The following DCTN3 variants were observed in gnomAD, a reference collection of about 807,000 sequenced individuals.
The protein encoded by DCTN3 is dynactin subunit 3.
DCTN3 carries 25 observed loss-of-function variants against 28.4 expected under a neutral mutation model. The observed-to-expected ratio is 0.88, with a 90% confidence interval of 0.64 to 1.23. DCTN3 has a LOEUF of 1.23. Ranked by LOEUF, DCTN3 falls within the 50% of genes most tolerant of loss-of-function variation. The probability of loss-of-function intolerance (pLI) is 0.00; values close to 1 mark genes in which losing one functional copy is unlikely to be tolerated. For synonymous variants in DCTN3, 81 were observed against 91.4 expected, an observed-to-expected ratio of 0.89 and a Z score of 0.65; for missense variants, 229 against 232.0, an observed-to-expected ratio of 0.99 and a Z score of 0.08.
At position 34,616,378 on chromosome 9, in the gene DCTN3, CTCT is replaced by C. The variant is rs749037074; in HGVS notation, c.269-268_269-266del. The C allele has an allele frequency of 5.9e-4, 195 of 329,526 alleles. 1 individual carries two copies. Among genetic ancestry groups the C allele is most frequent in the Non-Finnish European group, 6.8e-5 (12 of 175,714 alleles). The allele number at this position is 329,526 out of a possible 1,614,324, so 20.4% of individuals were successfully genotyped here. ...TTTCTCCAAGGTTTAACTTCAAGAC[CTCT>C]TCTTCTAGCCTCCTATCAACAAACT... On this transcript the variant is annotated intron_variant, in intron 3 of 6. Coordinates refer to ENST00000259632, the MANE Select transcript of DCTN3 (RefSeq NM_007234.5). The surrounding 1 kb of genome is among the most constrained non-coding windows in gnomAD (Gnocchi z 4.7).
At chr9:34,613,984 A>T (rs1416287621) in intron 6 of DCTN3, 58 bp downstream of exon 6, 10 of 1,606,384 alleles carry the variant, frequency 6.2e-6, no homozygotes, top group Non-Finnish European at 8.5e-6. Flanking sequence ...GAGGTGGAAC[A>T]AAAGGACAGG....
At chr9:34,614,263 T>G in intron 5 of DCTN3, 162 bp from the exon 6 acceptor site, 1 of 1,526,570 alleles carries the variant, frequency 6.6e-7, no homozygotes, top group Non-Finnish European at 8.8e-7. Context: ...ACTTTCAGGC[T>G]CCAGGATGGG....
chr9:34,620,442 T>G lies in DCTN3; in HGVS notation c.23A>C (p.Gln8Pro), dbSNP rs961742356. 6.4e-7 allele frequency: 1 copy of G among 1,554,906 alleles called. No individual in the cohort carries two copies. Among genetic ancestry groups the G allele is most frequent in the Non-Finnish European group, 8.7e-7 (1 of 1,149,980 alleles). Residue 8 changes from glutamine (Q) to proline (P), a missense_variant, in exon 1 of 7, where the codon CAG becomes CCG. By Grantham distance (76) the Gln-to-Pro change is moderately conservative. Transcript: ENST00000259632. MAGLTDL[Q>P]RLQARVEELE... Reference sequence around the variant, plus strand: ...CTCTTCCACTCGGGCCTGTAGCCGCTGCAAGTCAGTCAGACCCGCCATCGC... The same window carrying G: ...CTCTTCCACTCGGGCCTGTAGCCGCGGCAAGTCAGTCAGACCCGCCATCGC...
chr9:34,614,362 C>T (rs931408299), intron 5 of DCTN3: 2 of 733,696 alleles, frequency 2.7e-6, no homozygotes, highest in Admixed American at 3.0e-5. Flanking sequence ...CTTCTTCTGT[C>T]CTTATTTCTG....
chr9:34,617,579 CTCT>C, intron 3 of DCTN3: 1 of 1,220,368 alleles, frequency 8.2e-7, no homozygotes, highest in Non-Finnish European at 1.1e-6. Context: ...CTAGAAGCTC[CTCT>C]GTCTAGTGAG....
Position 34,620,286 on chromosome 9 carries a change from T to C in DCTN3, c.96+83A>G. On this transcript the variant is annotated intron_variant, in intron 1 of 6. Transcript: ENST00000259632. ...AAGGCCGGGCTGCGGAGAACAGGAC[T>C]GGAGCGGTTGCATCCCGAGGGCCAG... The C allele has an allele frequency of 3.3e-6, 4 of 1,204,662 alleles. No homozygotes were observed. In the Admixed American group the frequency reaches 7.4e-5, roughly 22 times the overall value. The allele number at this position is 1,204,662 out of a possible 1,614,324, so 74.6% of individuals were successfully genotyped here.
Position 34,616,169 on chromosome 9 carries a change from C to T in DCTN3, c.269-56G>A. ...TGAAGCAAACCTGGGCATTGCTAAT[C>T]AGCCCATGTAAGGGCCTGAGGACCT... On this transcript the variant is annotated intron_variant, in intron 3 of 6. Transcript: ENST00000259632. The surrounding 1 kb of genome is among the most constrained non-coding windows in gnomAD (Gnocchi z 4.7). The T allele has an allele frequency of 1.4e-6, 2 of 1,438,910 alleles. No individual in the cohort carries two copies. The highest frequency in any genetic ancestry group is 1.9e-6 in the Non-Finnish European group (2 of 1,025,666). The allele number at this position is 1,438,910 out of a possible 1,614,324, so 89.1% of individuals were successfully genotyped here. A position where few individuals can be genotyped will look rare whatever the true frequency, so the allele number is the denominator to read the frequency against.
intron 1 of DCTN3, among the ~76,000 whole-genome samples, chr9:34,620,095 G>A (rs1053996622): frequency 4.6e-5 from 7 of 152,144 alleles, no homozygotes; most frequent in African/African-American, 1.7e-4. Context: ...TCAGCTTCTC[G>A]TGTCAGGTCT....
chr9:34,619,990 C>T (rs1352290660), intron 1 of DCTN3, among the ~76,000 whole-genome samples: 1 of 152,180 alleles, frequency 6.6e-6, no homozygotes, highest in Non-Finnish European at 1.5e-5. Context: ...TCCCATGGAC[C>T]TCTTCCTGCA....
chr9:34,618,698 C>T lies in DCTN3; in HGVS notation c.159G>A (p.Arg53=). Residue 53 remains arginine, a synonymous_variant, in exon 2 of 7, where the codon AGG becomes AGA. Transcript: ENST00000259632. The part of the protein sequence containing the change: ...ALGNISSKRE[R]VKILYKKIED... ...TACTCTTTTTGTAGAGAATCTTCAC[C>T]CTCTCCCTCTTGCTGGAAATGTTCC... The T allele has an allele frequency of 6.2e-7, 1 of 1,614,116 alleles. No individual in the cohort carries two copies. Among genetic ancestry groups the T allele is most frequent in the South Asian group, 1.1e-5 (1 of 91,078 alleles).
chr9:34,617,533 T>C (rs1820449648), intron 3 of DCTN3: 1 of 718,156 alleles, frequency 1.4e-6, no homozygotes, highest in Non-Finnish European at 2.0e-6. Context: ...ACTCTCTCTG[T>C]TCTTTAATGG....
rs1820389994 is a variant in DCTN3 at position 34,614,944 on chromosome 9, T to G, written c.353-176A>C. ...GTGGGGCTCCCTGCCCACTCCAGTC[T>G]TACTCCAGGACCCATAGGGGAGGGG... On this transcript the variant is annotated intron_variant, in intron 4 of 6. Coordinates refer to ENST00000259632, the MANE Select transcript of DCTN3 (RefSeq NM_007234.5). The G allele has an allele frequency of 1.4e-5, 10 of 696,242 alleles. No homozygotes were observed. The Admixed American group carries it at 2.4e-4, about 17-fold the overall frequency. 43.1% of individuals were successfully genotyped at this position (696,242 alleles called of 1,614,324 possible).
chr9:34,617,574 A>C lies in DCTN3; in HGVS notation c.268+311T>G, dbSNP rs1457573902. 2.6e-6 allele frequency: 3 copies of C among 1,174,210 alleles called. No homozygotes were observed. In the Admixed American group the frequency reaches 9.5e-5, roughly 37 times the overall value. 72.7% of individuals were successfully genotyped at this position (1,174,210 alleles called of 1,614,324 possible). On this transcript the variant is annotated intron_variant, in intron 3 of 6. Coordinates refer to ENST00000259632, the MANE Select transcript of DCTN3 (RefSeq NM_007234.5). ...CTCTCTGCCCCTACCCTTTCCTAGA[A>C]GCTCCTCTGTCTAGTGAGCAGAAGT... is the stretch of plus-strand genomic sequence containing the variant.
intron 5 of DCTN3, 110 bp downstream of exon 5, chr9:34,614,600 C>T (rs1438519437): frequency 2.3e-5 from 30 of 1,281,064 alleles, no homozygotes; most frequent in Non-Finnish European, 3.0e-5. Context: ...CCCAAAGTTT[C>T]TGCTGAGGTT....
chr9:34,614,219 C>A, intron 5 of DCTN3, 118 bp from the exon 6 acceptor site: 1 of 1,589,452 alleles, frequency 6.3e-7, no homozygotes, highest in Non-Finnish European at 8.6e-7. Flanking sequence ...TGACGCTTAA[C>A]CCCAAAGCCA....
Position 34,618,723 on chromosome 9 carries a change from C to A in DCTN3, c.134G>T (p.Gly45Val). 6.2e-7 allele frequency: 1 copy of A among 1,614,112 alleles called. No homozygotes were observed. The highest frequency in any genetic ancestry group is 8.5e-7 in the Non-Finnish European group (1 of 1,180,004). The change falls in exon 2 of 7, where the codon GGG becomes GTG. Residue 45 changes from glycine (G) to valine (V), a missense_variant. Gly to Val is a moderately radical substitution (Grantham distance 109, BLOSUM62 -3). Transcript: ENST00000259632. The part of the protein sequence containing the change: ...DGLVKVQVAL[G>V]NISSKRERVK... ...CCTCTCCCTCTTGCTGGAAATGTTC[C>A]CCAAAGCCACCTGCACCTTGACCAG...
chr9:34,618,067 C>T, intron 2 of DCTN3, 96 bp from the exon 3 acceptor site: 1 of 1,260,942 alleles, frequency 7.9e-7, no homozygotes, highest in Middle Eastern at 2.2e-4. Context: ...TGAGGAGAGC[C>T]TTCAATGAGG....
chr9:34,613,776 C>G lies in DCTN3; in HGVS notation c.*6G>C, dbSNP rs1247119228. 6.2e-7 allele frequency: 1 copy of G among 1,613,572 alleles called. No homozygotes were observed. The highest frequency in any genetic ancestry group is 1.1e-5 in the South Asian group (1 of 90,902). On this transcript the variant is annotated 3_prime_UTR_variant, in exon 7 of 7. Transcript: ENST00000259632. ...CCCAGGCCCACTTTGGGATGGGGAGCAGCTATCACTCCTCTGCTGGCTTCA... is the reference window on the plus strand; with the variant it reads ...CCCAGGCCCACTTTGGGATGGGGAGGAGCTATCACTCCTCTGCTGGCTTCA...
chr9:34,620,369 C>T lies in DCTN3; in HGVS notation c.96G>A (p.Lys32=). Residue 32 remains lysine (K), a splice_region_variant and synonymous_variant, in exon 1 of 7, where the codon AAG becomes AAA. Coordinates refer to ENST00000259632, the MANE Select transcript of DCTN3 (RefSeq NM_007234.5). ...GGGACTACCGGACCAGACTACTCAC[C>T]TTCCGTGAGCCGCGCGCCCCGCCCG... ...YGPGGARGSR[K]VADGLVKVQV... 6.2e-7 allele frequency: 1 copy of T among 1,612,318 alleles called. No individual in the cohort carries two copies. The highest frequency in any genetic ancestry group is 2.2e-5 in the East Asian group (1 of 44,840).
Sources: allele counts gnomAD v4.1 joint callset (sites outside exome capture counted in the v4.1 genomes callset), GRCh38; gene constraint gnomAD v4.1.1; non-coding constraint Gnocchi (gnomAD v3.1); transcripts MANE v1.5; gene names NCBI Gene and HGNC (gene_info 2026-07-23, HGNC 2026-07-21).